The following APLP2 variants were observed in gnomAD, a reference collection of about 807,000 sequenced individuals.
The protein encoded by APLP2 is amyloid beta precursor like protein 2, also known as CDEI box-binding protein.
APLP2 carries 53 observed loss-of-function variants against 89.9 expected under a neutral mutation model. The ratio of observed to expected loss-of-function variants is 0.59; its 90% CI spans 0.47 to 0.74. The LOEUF (loss-of-function observed/expected upper bound fraction) is 0.74. APLP2 is among the 30% of genes least tolerant of loss of function. The pLI is 0.00. For missense variants in APLP2, 973 were observed against 975.9 expected (o/e 1.00, Z 0.04); for synonymous variants, 372 against 348.6 (o/e 1.07, Z -0.75).
rs1412128105 is a variant in APLP2 at position 130,123,062 on chromosome 11, C to G, written c.922+549C>G. ...CAGTAGTTCCAGAGCCATTAACATG[C>G]AGCCTCCTGCTGATCGTATATTTGA... On this transcript the variant is annotated intron_variant, in intron 6 of 16. Transcript: ENST00000338167. This position sits in a 1 kb window ranked among gnomAD's most constrained non-coding sequence, Gnocchi z 4.0. 6.6e-6 allele frequency among the ~76,000 whole-genome samples: 1 copy of G among 152,038 alleles called. No homozygotes were observed. The highest frequency in any genetic ancestry group is 6.6e-5 in the Admixed American group (1 of 15,260).
At chr11:130,071,465 C>G (rs1299330669) in intron 1 of APLP2, among the ~76,000 whole-genome samples, 1 of 150,698 alleles carries the variant, frequency 6.6e-6, no homozygotes, top group Non-Finnish European at 1.5e-5. Context: ...TATCTGTGAT[C>G]CCTGATATGT....
chr11:130,099,784 C>G (rs920588403), intron 1 of APLP2, among the ~76,000 whole-genome samples: 1 of 152,218 alleles, frequency 6.6e-6, no homozygotes, highest in Non-Finnish European at 1.5e-5. Flanking sequence ...ACTTTGTGGC[C>G]TCTTCCCTTG....
rs1407797735 is a variant in APLP2 at position 130,120,744 on chromosome 11, A to G, written c.442A>G (p.Lys148Glu). The change falls in exon 4 of 17, where the codon AAG (lysine) becomes GAG (glutamate). Residue 148 changes from lysine (K) to glutamate (E), a missense_variant. Lys to Glu is a moderately conservative substitution (Grantham distance 56, BLOSUM62 1). Coordinates refer to ENST00000338167, the MANE Select transcript of APLP2 (RefSeq NM_001142276.2). Reference sequence around the variant, plus strand: ...AAGTGATGTCCTGCTAGTTCCAGAAAAGTGCCAGTTTTTCCACAAAGAGCG... The same window carrying G: ...AAGTGATGTCCTGCTAGTTCCAGAAGAGTGCCAGTTTTTCCACAAAGAGCG... Reference protein sequence around the residue: ...FVSDVLLVPEKCQFFHKERME... With the variant: ...FVSDVLLVPEECQFFHKERME... The G allele has an allele frequency of 6.2e-7, 1 of 1,613,976 alleles. No homozygotes were observed.
In APLP2 at chr11:130,141,716, G is replaced by T; in HGVS notation, c.1998+144G>T. On this transcript the variant is annotated intron_variant, in intron 15 of 16. Coordinates refer to ENST00000338167, the MANE Select transcript of APLP2 (RefSeq NM_001142276.2). The surrounding 1 kb of genome is among the most constrained non-coding windows in gnomAD (Gnocchi z 4.2). ...CCCAGCTTTCCGTACTTTTGGATAA[G>T]AAAGCTAAAATTAAAATCTCCATGG... 1.1e-6 allele frequency: 1 copy of T among 934,270 alleles called. No homozygotes were observed. The highest frequency in any genetic ancestry group is 1.6e-6 in the Non-Finnish European group (1 of 628,746). The allele number at this position is 934,270 out of a possible 1,614,324, so 57.9% of individuals were successfully genotyped here. A position where few individuals can be genotyped will look rare whatever the true frequency, so the allele number is the denominator to read the frequency against.
rs558045153 is a variant in APLP2, at chr11:130,075,177, G to A, written c.105+5095G>A. The stretch of plus-strand genomic sequence containing the variant: ...TTTTATTTTTTATTTTTTGAGACAG[G>A]GTCTCACTCTTACCAAGGCTGGAGT... On this transcript the variant is annotated intron_variant, in intron 1 of 16. Transcript: ENST00000338167. Among the ~76,000 whole-genome samples, 5 of 152,106 alleles carry A rather than the reference G, an allele frequency of 3.3e-5. No homozygotes were observed. In the East Asian group the frequency reaches 7.7e-4, roughly 24 times the overall value.
Position 130,135,729 on chromosome 11 carries a change from A to G in APLP2, c.1837+14A>G, listed in dbSNP as rs750043398. On this transcript the variant is annotated intron_variant, in intron 13 of 16. Transcript: ENST00000338167. ...CTGAGAACGAAGGTGTGTATGGGCGACGGTGCCACTTCTGGGCAGCAGGGG... is the reference window on the plus strand; with the variant it reads ...CTGAGAACGAAGGTGTGTATGGGCGGCGGTGCCACTTCTGGGCAGCAGGGG... 6.2e-7 allele frequency: 1 copy of G among 1,613,166 alleles called. No individual in the cohort carries two copies. The highest frequency in any genetic ancestry group is 1.7e-5 in the Admixed American group (1 of 59,894).
intron 2 of APLP2, 62 bp from the exon 3 acceptor site, chr11:130,110,476 A>G (rs1948407601): frequency 6.3e-6 from 10 of 1,588,494 alleles, no homozygotes; most frequent in Non-Finnish European, 8.6e-6. Flanking sequence ...CTCCATCCTT[A>G]CTTGCAAGTG....
At chr11:130,122,612 A>G (rs1317975847) in intron 6 of APLP2, 99 bp downstream of exon 6, 1 of 1,542,998 alleles carries the variant, frequency 6.5e-7, no homozygotes, top group Non-Finnish European at 8.8e-7. Flanking sequence ...CACAGAAGGA[A>G]AGGTGTGGTA....
At chr11:130,115,283 A>C (rs1463437176) in intron 3 of APLP2, among the ~76,000 whole-genome samples, 1 of 152,184 alleles carries the variant, frequency 6.6e-6, no homozygotes, top group Admixed American at 6.5e-5. Flanking sequence ...ATTTTGATAC[A>C]GGCATATAGT....
At chr11:130,113,943 C>T (rs533461645) in intron 3 of APLP2, among the ~76,000 whole-genome samples, 1 of 152,302 alleles carries the variant, frequency 6.6e-6, no homozygotes, top group African/African-American at 2.4e-5. Flanking sequence ...CCCAGTACCC[C>T]TCACACACAT....
rs1297290190 is a variant in APLP2, at chr11:130,123,588, G to T, written c.923-24G>T. On this transcript the variant is annotated intron_variant, in intron 6 of 16. Transcript: ENST00000338167. The surrounding 1 kb of genome is among the most constrained non-coding windows in gnomAD (Gnocchi z 4.0). Reference sequence around the variant, plus strand: ...TTGACGTCACTGCCTCTGTCCTGCTGACACTCTGACCATTTTCACACAGCT... The same window carrying T: ...TTGACGTCACTGCCTCTGTCCTGCTTACACTCTGACCATTTTCACACAGCT... 1 of 1,606,628 alleles carries T rather than the reference G, an allele frequency of 6.2e-7. No individual in the cohort carries two copies. The highest frequency in any genetic ancestry group is 1.7e-5 in the Admixed American group (1 of 59,116).
rs778056752 is a variant in APLP2, at chr11:130,130,123, T to C, written c.1541T>C (p.Val514Ala). Residue 514 changes from valine (V) to alanine (A), a missense_variant, in exon 11 of 17, where the codon GTG becomes GCG. By Grantham distance (64) the Val-to-Ala change is moderately conservative. Coordinates refer to ENST00000338167, the MANE Select transcript of APLP2 (RefSeq NM_001142276.2). ...RLHTIRHYQHVLAVDPEKAAQ... is the reference protein window; with the variant it reads ...RLHTIRHYQHALAVDPEKAAQ... Reference sequence around the variant, plus strand: ...CATACCATCCGTCATTACCAGCATGTGTTGGCTGTTGACCCAGAAAAGGCG... The same window carrying C: ...CATACCATCCGTCATTACCAGCATGCGTTGGCTGTTGACCCAGAAAAGGCG... 1.2e-6 allele frequency: 2 copies of C among 1,614,144 alleles called. No individual in the cohort carries two copies. The highest frequency in any genetic ancestry group is 2.7e-5 in the African/African-American group (2 of 74,938).
intron 1 of APLP2, among the ~76,000 whole-genome samples, chr11:130,096,188 G>GA (rs1946187107): frequency 6.6e-6 from 1 of 152,254 alleles, no homozygotes; most frequent in Non-Finnish European, 1.5e-5. Flanking sequence ...CAACAAGAGA[G>GA]GACAGTTGGC....
chr11:130,108,142 G>A (rs1050250654), intron 1 of APLP2, among the ~76,000 whole-genome samples: 1 of 152,146 alleles, frequency 6.6e-6, no homozygotes, highest in Non-Finnish European at 1.5e-5. Context: ...TACCATTCAG[G>A]ACATAGGCAT....
chr11:130,136,432 T>A (rs142115138), intron 13 of APLP2, among the ~76,000 whole-genome samples: 11 of 152,304 alleles, frequency 7.2e-5, no homozygotes, highest in Non-Finnish European at 1.5e-4. Flanking sequence ...AGGTGGGTAG[T>A]CGAGTGTCCC....
In APLP2 at chr11:130,130,221, TA is replaced by T. The variant is rs1591837925; in HGVS notation, c.1584+57del. The T allele has an allele frequency of 5.6e-6, 9 of 1,610,902 alleles. No individual in the cohort carries two copies. In the East Asian group the frequency reaches 2.0e-4, roughly 36 times the overall value. On this transcript the variant is annotated intron_variant, in intron 11 of 16. Coordinates refer to ENST00000338167, the MANE Select transcript of APLP2 (RefSeq NM_001142276.2). ...GTGAGGGCATTTCCAGTGGGGAACA[TA>T]ATGCCTTGACTAATGGTTGACCAGC...
Position 130,126,813 on chromosome 11 carries a change from C to T in APLP2, c.1204C>T (p.Arg402Cys), listed in dbSNP as rs372035411. 2.2e-5 allele frequency: 35 copies of T among 1,614,176 alleles called. No homozygotes were observed. Among genetic ancestry groups the T allele is most frequent in the African/African-American group, 2.1e-4 (16 of 75,050 alleles). ...TAAGGAGCAGCTGGAGATTCGGCAC[C>T]GCAACCGAATGGACAGGGTAAACCT... ...KAKEQLEIRH[R>C]NRMDRVKKEW... The change falls in exon 8 of 17, where the codon CGC becomes TGC. Residue 402 changes from arginine to cysteine, a missense_variant. By Grantham distance (180) the Arg-to-Cys change is radical. Coordinates refer to ENST00000338167, the MANE Select transcript of APLP2 (RefSeq NM_001142276.2).
chr11:130,129,428 G>C (rs1000167875), intron 10 of APLP2, among the ~76,000 whole-genome samples: 1 of 152,206 alleles, frequency 6.6e-6, no homozygotes, highest in African/African-American at 2.4e-5. Flanking sequence ...TGATGTGAAA[G>C]TGTTTTACGC....
At chr11:130,084,212 C>G (rs1943730718) in intron 1 of APLP2, among the ~76,000 whole-genome samples, 1 of 151,788 alleles carries the variant, frequency 6.6e-6, no homozygotes, top group Admixed American at 6.5e-5. Context: ...CACCACTGCA[C>G]TCCAGCCTGG....
Sources: allele counts gnomAD v4.1 joint callset (sites outside exome capture counted in the v4.1 genomes callset), GRCh38; gene constraint gnomAD v4.1.1; non-coding constraint Gnocchi (gnomAD v3.1); transcripts MANE v1.5; gene names NCBI Gene and HGNC (gene_info 2026-07-23, HGNC 2026-07-21).